The following SATB2 variants were observed in gnomAD, a reference collection of about 807,000 sequenced individuals.
The protein encoded by SATB2 is DNA-binding protein SATB2.
In SATB2, 1 loss-of-function variant was observed where a neutral mutation model predicts 73.4. The observed-to-expected ratio is 0.01, with a 90% CI of 0.00 to 0.06. The LOEUF is 0.06. Among genes scored for constraint, SATB2 ranks in the 10% least tolerant of loss-of-function variants. SATB2 has a pLI of 1.00. For synonymous variants in SATB2, 397 were observed against 367.0 expected, an observed-to-expected ratio of 1.08 and a Z score of -0.93; for missense variants, 459 against 945.8, an observed-to-expected ratio of 0.49 and a Z score of 6.75.
intron 3 of SATB2, among the ~76,000 whole-genome samples, chr2:199,393,763 A>C (rs1174350984): frequency 6.6e-6 from 1 of 152,232 alleles, no homozygotes; most frequent in Non-Finnish European, 1.5e-5. Flanking sequence ...GCAAGCATCC[A>C]GCTTTTTGTT....
At chr2:199,380,192 C>G (rs1689728029) in intron 5 of SATB2, among the ~76,000 whole-genome samples, 172 bp downstream of exon 5, 1 of 152,174 alleles carries the variant, frequency 6.6e-6, no homozygotes, top group Non-Finnish European at 1.5e-5. Context: ...GGTTAATAAG[C>G]TATAACTTCT....
intron 7 of SATB2, 134 bp from the exon 8 acceptor site, chr2:199,329,044 C>T: frequency 1.4e-6 from 1 of 722,542 alleles, no homozygotes; most frequent in East Asian, 2.7e-5. Flanking sequence ...ACACTAATTC[C>T]TTAGGGTTCT....
intron 7 of SATB2, among the ~76,000 whole-genome samples, chr2:199,345,432 A>T (rs893700011): frequency 3.4e-5 from 2 of 58,158 alleles, no homozygotes; most frequent in East Asian, 6.1e-4. Context: ...CTCCCCCCAC[A>T]AACTCATATT....
intron 3 of SATB2, among the ~76,000 whole-genome samples, chr2:199,385,695 T>C (rs776732407): frequency 2.6e-5 from 4 of 152,190 alleles, no homozygotes; most frequent in Non-Finnish European, 5.9e-5. Flanking sequence ...CTCACTCTTC[T>C]TGTTATCACA....
intron 5 of SATB2, among the ~76,000 whole-genome samples, chr2:199,369,641 T>C (rs553638103): frequency 6.6e-6 from 1 of 152,296 alleles, no homozygotes; most frequent in East Asian, 1.9e-4. Context: ...GTTTTATATC[T>C]TGCCTTGAAA....
chr2:199,381,589 A>G (rs965110193), intron 4 of SATB2, 105 bp downstream of exon 4: 12 of 1,464,478 alleles, frequency 8.2e-6, no homozygotes, highest in Non-Finnish European at 1.1e-5. Context: ...CATTTTGTCC[A>G]ATGTCCAGAA....
At chr2:199,388,640 T>A (rs1690030081) in intron 3 of SATB2, among the ~76,000 whole-genome samples, 1 of 152,160 alleles carries the variant, frequency 6.6e-6, no homozygotes, top group Admixed American at 6.5e-5. Flanking sequence ...CATTTTAACA[T>A]TAATTTTTAA....
rs1403584102 is a variant in SATB2, at chr2:199,462,992, C to T, written c.-141+1844G>A. Among the ~76,000 whole-genome samples, 2 of 152,132 alleles carry T rather than the reference C, an allele frequency of 1.3e-5. No individual in the cohort carries two copies. The highest frequency in any genetic ancestry group is 1.9e-4 in the East Asian group (1 of 5,162). ...GCTTCCCGGGGTAGGAGATGGGCGTCGGGTGTGGGCACTGCCTGCCCTGGG... is the reference window on the plus strand; with the variant it reads ...GCTTCCCGGGGTAGGAGATGGGCGTTGGGTGTGGGCACTGCCTGCCCTGGG... On this transcript the variant is annotated intron_variant, in intron 1 of 11. Coordinates refer to the SATB2 transcript ENST00000260926. This position sits in a 1 kb window ranked among gnomAD's most constrained non-coding sequence, Gnocchi z 5.9.
intron 5 of SATB2, among the ~76,000 whole-genome samples, chr2:199,370,605 T>C (rs1689415278): frequency 6.6e-6 from 1 of 152,064 alleles, no homozygotes; most frequent in South Asian, 2.1e-4. Context: ...GCACTGTTCC[T>C]CAATTCTTCC....
At position 199,464,209 on chromosome 2, in the gene SATB2, G is replaced by A. The variant is rs1692543787; in HGVS notation, c.-141+627C>T. Among the ~76,000 whole-genome samples the A allele has an allele frequency of 1.3e-5, 2 of 152,144 alleles. No individual in the cohort carries two copies. The highest frequency in any genetic ancestry group is 4.1e-4 in the South Asian group (2 of 4,824). On this transcript the variant is annotated intron_variant, in intron 1 of 11. Transcript: ENST00000260926. The surrounding 1 kb of genome is among the most constrained non-coding windows in gnomAD (Gnocchi z 6.6). ...GGGAAAGGCCCAAGTGACTGTGACG[G>A]CGGCGACTCGGGCTCAGTTCTCCCC...
intron 3 of SATB2, among the ~76,000 whole-genome samples, chr2:199,415,659 CCCTGATTTAT>C (rs1690956395): frequency 6.6e-6 from 1 of 152,254 alleles, no homozygotes; most frequent in East Asian, 1.9e-4. Context: ...ATAACTAAAT[CCCTGATTTAT>C]CCAATGAGGT....
intron 2 of SATB2, among the ~76,000 whole-genome samples, chr2:199,452,170 G>C (rs1448545134): frequency 6.6e-6 from 1 of 152,038 alleles, no homozygotes; most frequent in African/African-American, 2.4e-5. Context: ...GATGTTTAAT[G>C]TCTCCTATCA....
At position 199,308,521 on chromosome 2, in the gene SATB2, TTC is replaced by T. The variant is rs1351965215; in HGVS notation, c.1740+237_1740+238del. ...AAAGCAGCTGTCTTTGGCATTCAAC[TTC>T]TCAGTCATTTTTCTTTGTGTGTGCA... On this transcript the variant is annotated intron_variant, in intron 10 of 10. Transcript: ENST00000417098. The surrounding 1 kb of genome is among the most constrained non-coding windows in gnomAD (Gnocchi z 4.6). 6.6e-6 allele frequency among the ~76,000 whole-genome samples: 1 copy of T among 151,996 alleles called. No individual in the cohort carries two copies. Among genetic ancestry groups the T allele is most frequent in the African/African-American group, 2.4e-5 (1 of 41,358 alleles).
At chr2:199,394,735 A>G (rs541570347) in intron 3 of SATB2, among the ~76,000 whole-genome samples, 2 of 152,266 alleles carry the variant, frequency 1.3e-5, no homozygotes, top group South Asian at 4.1e-4. Context: ...AAATAAGTAA[A>G]TAAATAAATA....
intron 3 of SATB2, among the ~76,000 whole-genome samples, chr2:199,410,794 A>G (rs1024787581): frequency 5.3e-5 from 8 of 152,366 alleles, no homozygotes; most frequent in African/African-American, 1.9e-4. Context: ...GTTAAAACCT[A>G]TGATGAATTT....
chr2:199,458,711 G>C (rs1484686619), upstream of SATB2: 1 of 440,032 alleles, frequency 2.3e-6, no homozygotes, highest in East Asian at 8.5e-5. Context: ...TAACTGCGCG[G>C]AGTACTTTCG....
intron 3 of SATB2, among the ~76,000 whole-genome samples, chr2:199,428,786 C>A (rs1327203135): frequency 6.6e-6 from 1 of 152,076 alleles, no homozygotes; most frequent in East Asian, 1.9e-4. Flanking sequence ...AATCCCACCA[C>A]TTTGGGAGGC....
intron 6 of SATB2, among the ~76,000 whole-genome samples, chr2:199,362,403 T>A (rs1689166157): frequency 7.9e-6 from 1 of 125,812 alleles, no homozygotes; most frequent in Non-Finnish European, 1.6e-5. Flanking sequence ...GTTTCCGGAC[T>A]TTCCTCTATG....
At chr2:199,276,739 T>C (rs1222385493) in intron 10 of SATB2, among the ~76,000 whole-genome samples, 1 of 109,628 alleles carries the variant, frequency 9.1e-6, no homozygotes, top group East Asian at 2.7e-4. Context: ...CCAAGGTCTT[T>C]CCAGCATTAC....
Sources: allele counts gnomAD v4.1 joint callset (sites outside exome capture counted in the v4.1 genomes callset), GRCh38; gene constraint gnomAD v4.1.1; non-coding constraint Gnocchi (gnomAD v3.1); transcripts MANE v1.5; gene names NCBI Gene and HGNC (gene_info 2026-07-23, HGNC 2026-07-21).